The following UBE2O variants were observed in gnomAD, a reference collection of about 807,000 sequenced individuals.
UBE2O encodes (E3-independent) E2 ubiquitin-conjugating enzyme.
Under a neutral mutation model 125.8 loss-of-function variants are expected in UBE2O, and 15 were observed. That is an observed-to-expected ratio of 0.12 (90% CI 0.08 to 0.18). The LOEUF (loss-of-function observed/expected upper bound fraction) is 0.18. Ranked by LOEUF, UBE2O falls within the 10% of genes least tolerant of loss-of-function variation. The probability of loss-of-function intolerance (pLI) is 1.00; values close to 1 mark genes in which losing one functional copy is unlikely to be tolerated. For synonymous variants in UBE2O, 708 were observed against 703.2 expected, an observed-to-expected ratio of 1.01 and a Z score of -0.11; for missense variants, 1,280 against 1,723.6, an observed-to-expected ratio of 0.74 and a Z score of 4.56.
intron 1 of UBE2O, among the ~76,000 whole-genome samples, chr17:76,433,899 G>A (rs767295970): frequency 1.3e-5 from 2 of 152,194 alleles, no homozygotes; most frequent in Non-Finnish European, 2.9e-5. Flanking sequence ...AGGCGTGGCG[G>A]TGCGCGCCTA....
At position 76,405,379 on chromosome 17, in the gene UBE2O, C is replaced by T; in HGVS notation, c.478-63G>A. 1 of 1,531,308 alleles carries T rather than the reference C, an allele frequency of 6.5e-7. No individual in the cohort carries two copies. Among genetic ancestry groups the T allele is most frequent in the African/African-American group, 1.4e-5 (1 of 73,534 alleles). The allele number at this position is 1,531,308 out of a possible 1,614,324, so 94.9% of individuals were successfully genotyped here. On this transcript the variant is annotated intron_variant, in intron 2 of 17. Coordinates refer to ENST00000319380, the MANE Select transcript of UBE2O (RefSeq NM_022066.4). This position sits in a 1 kb window ranked among gnomAD's most constrained non-coding sequence, Gnocchi z 6.1. ...GCAGCCCTGGTCACCAGGGGAGACCCAGCCCAGGCAACCCCAGCGCACCCC... is the reference window on the plus strand; with the variant it reads ...GCAGCCCTGGTCACCAGGGGAGACCTAGCCCAGGCAACCCCAGCGCACCCC...
intron 1 of UBE2O, among the ~76,000 whole-genome samples, chr17:76,434,009 A>T (rs2072943785): frequency 6.6e-6 from 1 of 152,250 alleles, no homozygotes; most frequent in Non-Finnish European, 1.5e-5. Context: ...CCAGAAGACA[A>T]AAACGAGCCC....
At position 76,451,998 on chromosome 17, in the gene UBE2O, T is replaced by C. The variant is rs563229878; in HGVS notation, c.417+727A>G. The stretch of plus-strand genomic sequence containing the variant: ...AAGAAAAAACCTTCGGGTTTCCAAA[T>C]TGGTGACTCCCCTCTACCCAGGGTT... On this transcript the variant is annotated intron_variant, in intron 1 of 17. Transcript: ENST00000319380. Among the ~76,000 whole-genome samples, 11 of 152,230 alleles carry C rather than the reference T, an allele frequency of 7.2e-5. No homozygotes were observed. In the South Asian group the frequency reaches 8.3e-4, roughly 11 times the overall value.
intron 3 of UBE2O, among the ~76,000 whole-genome samples, chr17:76,403,152 G>C: frequency 6.6e-6 from 1 of 151,600 alleles, no homozygotes; most frequent in East Asian, 1.9e-4. Flanking sequence ...CATTGTTGGA[G>C]AAGGTGCCCA....
rs531209311 is a variant in UBE2O, at chr17:76,419,021, C to T, written c.418-13449G>A. Among the ~76,000 whole-genome samples the T allele has an allele frequency of 7.2e-5, 11 of 152,096 alleles. No homozygotes were observed. In the South Asian group the frequency reaches 1.2e-3, roughly 17 times the overall value. ...AACTTCTGACTGCCACGGTGACTCG[C>T]GCTGTAATACCAGTACTTTGAGAGG... is the stretch of plus-strand genomic sequence containing the variant. On this transcript the variant is annotated intron_variant, in intron 1 of 17. Coordinates refer to ENST00000319380, the MANE Select transcript of UBE2O (RefSeq NM_022066.4).
chr17:76,395,023 C>T lies in UBE2O; in HGVS notation c.2946+702G>A. Among the ~76,000 whole-genome samples the T allele has an allele frequency of 6.7e-6, 1 of 148,390 alleles. No homozygotes were observed. The highest frequency in any genetic ancestry group is 1.5e-5 in the Non-Finnish European group (1 of 67,068). ...CCCGAGTAGCTGGGATTACTGGCACCCGCCACCACATCCGGCTAATTTTTG... is the reference window on the plus strand; with the variant it reads ...CCCGAGTAGCTGGGATTACTGGCACTCGCCACCACATCCGGCTAATTTTTG... On this transcript the variant is annotated intron_variant, in intron 15 of 17. Transcript: ENST00000319380. The surrounding 1 kb of genome is among the most constrained non-coding windows in gnomAD (Gnocchi z 5.0).
chr17:76,452,812 C>A lies in UBE2O; in HGVS notation c.330G>T (p.Glu110Asp). The stretch of plus-strand genomic sequence containing the variant: ...GGCGCAGGGGGCTGGCCCGGCCCTC[C>A]TCGTGGCCCGCGCCCCCGGCCTCGG... ...GCSEAGGAGH[E>D]EGRASPLRRG... The change falls in exon 1 of 18, where the codon GAG (glutamate) becomes GAT (aspartate). Residue 110 changes from glutamate (E) to aspartate (D), a missense_variant. Glu to Asp is a conservative substitution (Grantham distance 45, BLOSUM62 2). This residue lies in a region of UBE2O where 188 missense variants were observed against 192.5 expected (regional missense o/e 0.98). Transcript: ENST00000319380. The surrounding 1 kb of genome is among the most constrained non-coding windows in gnomAD (Gnocchi z 4.4). 1 of 1,513,982 alleles carries A rather than the reference C, an allele frequency of 6.6e-7. No homozygotes were observed. Among genetic ancestry groups the A allele is most frequent in the East Asian group, 2.8e-5 (1 of 35,612 alleles). 93.8% of individuals were successfully genotyped at this position (1,513,982 alleles called of 1,614,324 possible).
chr17:76,441,867 C>A (rs1434876434), intron 1 of UBE2O, among the ~76,000 whole-genome samples: 1 of 152,248 alleles, frequency 6.6e-6, no homozygotes, highest in Non-Finnish European at 1.5e-5. Context: ...CCTGGCATAG[C>A]CACTGCAACT....
At chr17:76,443,033 G>A (rs755430163) in intron 1 of UBE2O, among the ~76,000 whole-genome samples, 1 of 152,170 alleles carries the variant, frequency 6.6e-6, no homozygotes, top group Admixed American at 6.5e-5. Context: ...TCAAGCTTAG[G>A]TATTTAGGGG....
intron 1 of UBE2O, among the ~76,000 whole-genome samples, chr17:76,447,974 C>T (rs990138391): frequency 6.6e-6 from 1 of 152,162 alleles, no homozygotes; most frequent in South Asian, 2.1e-4. Flanking sequence ...AGGATCATAT[C>T]GGGGTTAGGA....
rs1274057203 is a variant in UBE2O, at chr17:76,399,526, G to A, written c.1551C>T (p.Pro517=). The change falls in exon 9 of 18, where the codon CCC becomes CCT. Residue 517 remains proline, a synonymous_variant. Coordinates refer to ENST00000319380, the MANE Select transcript of UBE2O (RefSeq NM_022066.4). This position sits in a 1 kb window ranked among gnomAD's most constrained non-coding sequence, Gnocchi z 6.9. The stretch of plus-strand genomic sequence containing the variant: ...TGCGCTTTAAGTTCTTGATGGACAA[G>A]GGGATGCTCTTTTTGCGACTCGTGC... The part of the protein sequence containing the change: ...GSGTSRKKSI[P]LSIKNLKRKH... 1.9e-6 allele frequency: 3 copies of A among 1,614,102 alleles called. No homozygotes were observed. The highest frequency in any genetic ancestry group is 1.7e-6 in the Non-Finnish European group (2 of 1,180,046).
intron 1 of UBE2O, among the ~76,000 whole-genome samples, chr17:76,446,712 T>C (rs1339203753): frequency 6.6e-6 from 1 of 152,216 alleles, no homozygotes; most frequent in Non-Finnish European, 1.5e-5. Flanking sequence ...GAGCTCCTAA[T>C]GGAGCTGACC....
Position 76,401,192 on chromosome 17 carries a change from G to A in UBE2O, c.751-38C>T, listed in dbSNP as rs146958824. ...GGGCCAAAGGAAAGTCCCCGTGAGC[G>A]GTGTCTCCATGGGTGACCATGCTCT... is the stretch of plus-strand genomic sequence containing the variant. On this transcript the variant is annotated intron_variant, in intron 5 of 17. Coordinates refer to ENST00000319380, the MANE Select transcript of UBE2O (RefSeq NM_022066.4). 2.2e-4 allele frequency: 355 copies of A among 1,608,116 alleles called. No homozygotes were observed. In the African/African-American group the frequency reaches 3.5e-3, roughly 16 times the overall value.
chr17:76,396,087 G>A lies in UBE2O; in HGVS notation c.2809+41C>T, dbSNP rs936290392. 10 of 1,594,540 alleles carry A rather than the reference G, an allele frequency of 6.3e-6. No homozygotes were observed. Among genetic ancestry groups the A allele is most frequent in the East Asian group, 2.2e-5 (1 of 44,744 alleles). ...CTGGTGACACAAACAGGAGCCCCGAGAAGGCGGGGGAAGGCGAAGACCAGG... is the reference window on the plus strand; with the variant it reads ...CTGGTGACACAAACAGGAGCCCCGAAAAGGCGGGGGAAGGCGAAGACCAGG... On this transcript the variant is annotated intron_variant, in intron 14 of 17. Transcript: ENST00000319380. The surrounding 1 kb of genome is among the most constrained non-coding windows in gnomAD (Gnocchi z 6.7).
chr17:76,406,701 T>TG (rs1247476153), intron 1 of UBE2O, among the ~76,000 whole-genome samples: 1 of 133,372 alleles, frequency 7.5e-6, no homozygotes, highest in East Asian at 2.1e-4. Context: ...TGTTTTTTTT[T>TG]TTTTTTTTTT....
Position 76,396,696 on chromosome 17 carries a change from C to A in UBE2O, c.2241G>T (p.Leu747=). The change falls in exon 14 of 18, where the codon CTG becomes CTT. Residue 747 remains leucine, a synonymous_variant. Coordinates refer to ENST00000319380, the MANE Select transcript of UBE2O (RefSeq NM_022066.4). This position sits in a 1 kb window ranked among gnomAD's most constrained non-coding sequence, Gnocchi z 6.7. The part of the protein sequence containing the change: ...DSDSWETDNG[L]VEDEHPKIEE... ...CTATCTTGGGGTGCTCGTCCTCCACCAGCCCATTGTCCGTCTCCCAGCTGT... is the reference window on the plus strand; with the variant it reads ...CTATCTTGGGGTGCTCGTCCTCCACAAGCCCATTGTCCGTCTCCCAGCTGT... 1.2e-6 allele frequency: 2 copies of A among 1,613,980 alleles called. No individual in the cohort carries two copies. Among genetic ancestry groups the A allele is most frequent in the Non-Finnish European group, 1.7e-6 (2 of 1,180,018 alleles).
intron 15 of UBE2O, among the ~76,000 whole-genome samples, chr17:76,393,803 C>A (rs1003817116): frequency 1.3e-5 from 2 of 152,136 alleles, no homozygotes; most frequent in African/African-American, 4.8e-5. Flanking sequence ...TGTGTGGGAT[C>A]TCAACTGACA....
chr17:76,395,610 G>A lies in UBE2O; in HGVS notation c.2946+115C>T. ...GCCCCTGTAAAAGGTGGGTGGGTGAGTGTCCTCGCAGGTGCCAGTCAGCCC... is the reference window on the plus strand; with the variant it reads ...GCCCCTGTAAAAGGTGGGTGGGTGAATGTCCTCGCAGGTGCCAGTCAGCCC... On this transcript the variant is annotated intron_variant, in intron 15 of 17. Coordinates refer to ENST00000319380, the MANE Select transcript of UBE2O (RefSeq NM_022066.4). The surrounding 1 kb of genome is among the most constrained non-coding windows in gnomAD (Gnocchi z 5.0). The A allele has an allele frequency of 7.6e-7, 1 of 1,316,472 alleles. No individual in the cohort carries two copies. Among genetic ancestry groups the A allele is most frequent in the South Asian group, 1.4e-5 (1 of 69,958 alleles). The allele number at this position is 1,316,472 out of a possible 1,614,324, so 81.5% of individuals were successfully genotyped here.
In UBE2O at chr17:76,401,151, G is replaced by T. The variant is rs1221473680; in HGVS notation, c.754C>A (p.Leu252Ile). 6.2e-7 allele frequency: 1 copy of T among 1,613,218 alleles called. No homozygotes were observed. The highest frequency in any genetic ancestry group is 8.5e-7 in the Non-Finnish European group (1 of 1,179,814). The change falls in exon 6 of 18, where the codon CTC becomes ATC. Residue 252 changes from leucine (L) to isoleucine (I), a missense_variant. This residue lies in a region of UBE2O where 206 missense variants were observed against 315.7 expected (regional missense o/e 0.65). Coordinates refer to ENST00000319380, the MANE Select transcript of UBE2O (RefSeq NM_022066.4). Reference protein sequence around the residue: ...DVCPHVSDSGLFFDDSYGFYP... With the variant: ...DVCPHVSDSGIFFDDSYGFYP... ...AAGCCATAGGAATCATCGAAGAAGAGACCCTGCGGGATGTGGGGCCAAAGG... is the reference window on the plus strand; with the variant it reads ...AAGCCATAGGAATCATCGAAGAAGATACCCTGCGGGATGTGGGGCCAAAGG...
Sources: allele counts gnomAD v4.1 joint callset (sites outside exome capture counted in the v4.1 genomes callset), GRCh38; gene constraint gnomAD v4.1.1; regional missense constraint gnomAD v4.1.1; non-coding constraint Gnocchi (gnomAD v3.1); transcripts MANE v1.5; gene names NCBI Gene and HGNC (gene_info 2026-07-23, HGNC 2026-07-21).